Variants in DENND5B observed in about 807,000 individuals in gnomAD.
The protein encoded by DENND5B is DENN domain containing 5B.
A neutral mutation model predicts 140.6 loss-of-function variants in DENND5B; 34 were observed. That is an observed-to-expected ratio of 0.24 (90% CI 0.18 to 0.32). The LOEUF is 0.32. Ranked by LOEUF, DENND5B falls within the 10% of genes least tolerant of loss-of-function variation. The pLI is 1.00. For missense variants in DENND5B, 1,142 were observed against 1,560.2 expected (o/e 0.73, Z 4.52); for synonymous variants, 551 against 562.1 (o/e 0.98, Z 0.28).
At chr12:31,434,790 C>T (rs1354157728) in intron 7 of DENND5B, among the ~76,000 whole-genome samples, 1 of 152,090 alleles carries the variant, frequency 6.6e-6, no homozygotes, top group Non-Finnish European at 1.5e-5. Context: ...GCAACTTCAC[C>T]TCCACTCAGC....
intron 6 of DENND5B, among the ~76,000 whole-genome samples, chr12:31,444,409 A>G (rs991770165): frequency 6.6e-6 from 1 of 152,082 alleles, no homozygotes; most frequent in African/African-American, 2.4e-5. Context: ...ATGCCCAGCT[A>G]ATTTTTGTAT....
chr12:31,566,765 T>C (rs746480131), intron 1 of DENND5B, among the ~76,000 whole-genome samples: 4 of 152,212 alleles, frequency 2.6e-5, no homozygotes, highest in Non-Finnish European at 4.4e-5. Flanking sequence ...CCAGGCTACA[T>C]AGTAAGTACT....
intron 3 of DENND5B, among the ~76,000 whole-genome samples, chr12:31,472,701 G>A (rs1420602609): frequency 6.6e-6 from 1 of 152,092 alleles, no homozygotes; most frequent in Non-Finnish European, 1.5e-5. Context: ...ATTTGCCCCA[G>A]CACAGAGAAA....
rs115407133 is a variant in DENND5B, at chr12:31,556,718, T to C, written c.127+33988A>G. 9.5e-3 allele frequency among the ~76,000 whole-genome samples: 1,454 copies of C among 152,266 alleles called. 25 individuals carry two copies. The highest frequency in any genetic ancestry group is 0.033 in the African/African-American group (1,376 of 41,544). On this transcript the variant is annotated intron_variant, in intron 1 of 20. Transcript: ENST00000389082. The stretch of plus-strand genomic sequence containing the variant: ...GAAACCTATTGTTTACAGAATAAAG[T>C]GATTCTAGGTCTTTCAGTCAGGTCT...
At chr12:31,449,255 A>G (rs1248793124) in intron 5 of DENND5B, among the ~76,000 whole-genome samples, 1 of 152,248 alleles carries the variant, frequency 6.6e-6, no homozygotes, top group African/African-American at 2.4e-5. Flanking sequence ...TCTGAAATTT[A>G]GGAGGTCTTC....
intron 1 of DENND5B, among the ~76,000 whole-genome samples, chr12:31,563,037 A>T (rs1439539106): frequency 6.6e-6 from 1 of 151,886 alleles, no homozygotes; most frequent in African/African-American, 2.4e-5. Flanking sequence ...ACAGATGGAG[A>T]GCCTGCAAAG....
Position 31,436,798 on chromosome 12 carries a change from G to A in DENND5B, c.2013-3550C>T, listed in dbSNP as rs181267743. ...GATCCGCCCGCCTCAGCCTCCCAAA[G>A]TGCTGGGATTACAGACGTGAGTCAC... On this transcript the variant is annotated intron_variant, in intron 7 of 20. Transcript: ENST00000389082. 1.6e-4 allele frequency among the ~76,000 whole-genome samples: 24 copies of A among 152,152 alleles called. No homozygotes were observed. In the East Asian group the frequency reaches 2.5e-3, roughly 16 times the overall value.
rs1940807642 is a variant in DENND5B, at chr12:31,385,408, CCTAGCACAT to C, written c.*2186_*2194del. The C allele has an allele frequency of 6.6e-6, 1 of 152,122 alleles. No individual in the cohort carries two copies. The highest frequency in any genetic ancestry group is 1.5e-5 in the Non-Finnish European group (1 of 68,042). 9.4% of individuals were successfully genotyped at this position (152,122 alleles called of 1,614,324 possible). A position where few individuals can be genotyped will look rare whatever the true frequency, so the allele number is the denominator to read the frequency against. On this transcript the variant is annotated 3_prime_UTR_variant, in exon 21 of 21. Coordinates refer to ENST00000389082, the MANE Select transcript of DENND5B (RefSeq NM_144973.4). ...AGAAGGCTGGATGAGGTGTGTCAAT[CCTAGCACAT>C]TAACCTAAGTCATCCCCCAGGTTGC...
chr12:31,521,280 C>CA (rs945877573), intron 1 of DENND5B, among the ~76,000 whole-genome samples: 4 of 151,144 alleles, frequency 2.6e-5, no homozygotes, highest in Non-Finnish European at 5.9e-5. Flanking sequence ...GTGGGGTGTG[C>CA]AGATATCAGA....
In DENND5B at chr12:31,495,933, T is replaced by A; in HGVS notation, c.128-14A>T. On this transcript the variant is annotated splice_polypyrimidine_tract_variant and intron_variant, in intron 1 of 20. Coordinates refer to ENST00000389082, the MANE Select transcript of DENND5B (RefSeq NM_144973.4). ...CAAAATTTTCGCCTACAACAAATAA[T>A]ACATAGTTAATATCTAGAACTTTTC... The A allele has an allele frequency of 1.3e-6, 2 of 1,559,862 alleles. No individual in the cohort carries two copies. The highest frequency in any genetic ancestry group is 2.3e-5 in the South Asian group (2 of 86,688).
intron 1 of DENND5B, among the ~76,000 whole-genome samples, chr12:31,526,415 A>G (rs2139043976): frequency 6.6e-6 from 1 of 152,346 alleles, no homozygotes. Flanking sequence ...AAACATGTCA[A>G]ATCCTATGAT....
At chr12:31,505,898 G>A (rs571581616) in intron 1 of DENND5B, among the ~76,000 whole-genome samples, 44 of 152,138 alleles carry the variant, frequency 2.9e-4, no homozygotes, top group African/African-American at 9.9e-4. Context: ...TCAGTGGCAC[G>A]ATCATGGCTT....
At chr12:31,436,376 C>T (rs1052125595) in intron 7 of DENND5B, among the ~76,000 whole-genome samples, 3 of 151,852 alleles carry the variant, frequency 2.0e-5, no homozygotes, top group African/African-American at 7.3e-5. Flanking sequence ...GCTGGGATTA[C>T]AGGCATGAGC....
At chr12:31,390,502 G>A (rs1941075168) in intron 19 of DENND5B, among the ~76,000 whole-genome samples, 1 of 152,060 alleles carries the variant, frequency 6.6e-6, no homozygotes, top group African/African-American at 2.4e-5. Flanking sequence ...AGCTGGGCGT[G>A]GTGGCAGGCA....
chr12:31,524,027 A>G (rs1947997009), intron 1 of DENND5B, among the ~76,000 whole-genome samples: 1 of 150,526 alleles, frequency 6.6e-6, no homozygotes, highest in South Asian at 2.1e-4. Context: ...CTTTTAAGTG[A>G]AAACTACTGA....
chr12:31,476,186 T>G (rs1341188725), intron 3 of DENND5B, among the ~76,000 whole-genome samples: 6 of 142,982 alleles, frequency 4.2e-5, no homozygotes, highest in Non-Finnish European at 6.0e-5. Flanking sequence ...GCTTTTGGAG[T>G]TTTTTTTTGC....
At chr12:31,453,322 G>A (rs1211079761) in intron 4 of DENND5B, among the ~76,000 whole-genome samples, 1 of 152,046 alleles carries the variant, frequency 6.6e-6, no homozygotes, top group Non-Finnish European at 1.5e-5. Flanking sequence ...AAATGTTTGA[G>A]TTTGTTTACA....
intron 2 of DENND5B, among the ~76,000 whole-genome samples, chr12:31,485,582 C>T (rs1027363645): frequency 1.3e-5 from 2 of 152,214 alleles, no homozygotes; most frequent in Admixed American, 1.3e-4. Flanking sequence ...TTTGTTCCAA[C>T]ACAATTTTAT....
intron 1 of DENND5B, among the ~76,000 whole-genome samples, chr12:31,510,902 C>T (rs1462720418): frequency 6.6e-6 from 1 of 152,096 alleles, no homozygotes; most frequent in African/African-American, 2.4e-5. Flanking sequence ...CCCCTCCTTC[C>T]ATGTCTGCCT....
Sources: gnomAD v4.1 joint callset for allele counts (sites outside exome capture counted in the v4.1 genomes callset) on GRCh38, gnomAD v4.1.1 for gene constraint, MANE v1.5 for transcripts, NCBI Gene and HGNC (gene_info 2026-07-23, HGNC 2026-07-21) for gene names.